ZNF385D: variants seen among roughly 807,000 people sequenced by gnomAD.
ZNF385D encodes zinc finger protein 385D.
A neutral mutation model predicts 35.8 loss-of-function variants in ZNF385D; 15 were observed. That is an observed-to-expected ratio of 0.42 (90% CI 0.28 to 0.64). The LOEUF (loss-of-function observed/expected upper bound fraction) is 0.64. ZNF385D is among the 30% of genes least tolerant of loss of function. The probability of loss-of-function intolerance (pLI) is 0.23; values close to 1 mark genes in which losing one functional copy is unlikely to be tolerated. For synonymous variants in ZNF385D, 212 were observed against 186.8 expected (o/e 1.13, Z -1.10); for missense variants, 474 against 494.6 (o/e 0.96, Z 0.39).
chr3:21,707,164 G>C (rs2067937055), intron 1 of ZNF385D, among the ~76,000 whole-genome samples: 1 of 152,066 alleles, frequency 6.6e-6, no homozygotes, highest in South Asian at 2.1e-4. Flanking sequence ...AGGATGCTTA[G>C]TTAAATAGTT....
Position 21,737,497 on chromosome 3 carries a change from AAGAT to A in ZNF385D, c.22+13394_22+13397del, listed in dbSNP as rs1310985569. On this transcript the variant is annotated intron_variant, in intron 1 of 7. Coordinates refer to ENST00000281523, the MANE Select transcript of ZNF385D (RefSeq NM_024697.3). ...CACACACACACACACACATACACAT[AAGAT>A]AGATAGATACGTATGTATACGAAAT... Among the ~76,000 whole-genome samples, 142 of 152,110 alleles carry A rather than the reference AAGAT, an allele frequency of 9.3e-4. 3 individuals carry two copies. Among genetic ancestry groups the A allele is most frequent in the African/African-American group, 3.0e-3 (125 of 41,488 alleles).
At chr3:22,171,876 CAAAAA>C (rs370469654) in intron 2 of ZNF385D, among the ~76,000 whole-genome samples, 3 of 100,792 alleles carry the variant, frequency 3.0e-5, no homozygotes, top group Admixed American at 1.2e-4. Flanking sequence ...GACTCGGTCT[CAAAAA>C]AAAAAAAAAA....
chr3:21,577,265 C>T (rs1202585866), intron 2 of ZNF385D, among the ~76,000 whole-genome samples: 2 of 152,118 alleles, frequency 1.3e-5, no homozygotes, highest in Non-Finnish European at 2.9e-5. Flanking sequence ...TGGTATTTGT[C>T]TTTCTGTGTC....
Position 22,229,635 on chromosome 3 carries a change from C to T in ZNF385D, c.107-60600G>A, listed in dbSNP as rs1443015944. On this transcript the variant is annotated intron_variant, in intron 2 of 5. Transcript: ENST00000494108. The stretch of plus-strand genomic sequence containing the variant: ...TTGTAAGCCTCTTCCTGTATGCTGT[C>T]GTACAACTCCCTTGCTCAAGCCACT... 5.3e-5 allele frequency among the ~76,000 whole-genome samples: 8 copies of T among 152,270 alleles called. No homozygotes were observed. The South Asian group carries it at 1.0e-3, about 20-fold the overall frequency.
intron 4 of ZNF385D, among the ~76,000 whole-genome samples, chr3:21,452,533 T>G (rs1243445545): frequency 2.0e-5 from 3 of 152,052 alleles, no homozygotes; most frequent in Middle Eastern, 3.4e-3. Context: ...CCTTAAAATA[T>G]CCACAAGAAC....
intron 2 of ZNF385D, among the ~76,000 whole-genome samples, chr3:21,663,020 C>T (rs188667823): frequency 2.0e-5 from 3 of 152,052 alleles, no homozygotes; most frequent in Admixed American, 6.6e-5. Context: ...AGTTTTGTGA[C>T]CCTTCCAAGG....
intron 2 of ZNF385D, among the ~76,000 whole-genome samples, chr3:22,180,957 C>T (rs977915179): frequency 8.6e-6 from 1 of 116,688 alleles, no homozygotes. Context: ...TTCTCCTTCT[C>T]TCATTTATAA....
intron 3 of ZNF385D, among the ~76,000 whole-genome samples, chr3:21,950,062 G>GTA (rs1701990499): frequency 6.6e-6 from 1 of 151,936 alleles, no homozygotes; most frequent in Non-Finnish European, 1.5e-5. Context: ...AATCCTTTGG[G>GTA]TATATACCCA....
chr3:21,428,933 CTT>C (rs56827844), intron 5 of ZNF385D, among the ~76,000 whole-genome samples: 1 of 112,006 alleles, frequency 8.9e-6, no homozygotes, highest in Admixed American at 1.1e-4. Flanking sequence ...CCAAGAAATC[CTT>C]TTTTTTTTTT....
intron 3 of ZNF385D, among the ~76,000 whole-genome samples, chr3:22,147,112 G>C (rs1371790948): frequency 1.3e-5 from 2 of 152,184 alleles, no homozygotes; most frequent in Non-Finnish European, 2.9e-5. Flanking sequence ...CTTGTAATTA[G>C]AAAGAGACCA....
intron 2 of ZNF385D, among the ~76,000 whole-genome samples, chr3:22,365,334 C>A (rs757223084): frequency 2.0e-5 from 3 of 151,840 alleles, no homozygotes; most frequent in Middle Eastern, 6.8e-3. Context: ...CAACTAATAT[C>A]TAAGAAAAAA....
intron 4 of ZNF385D, among the ~76,000 whole-genome samples, chr3:21,469,073 T>A (rs1703718367): frequency 6.6e-6 from 1 of 152,218 alleles, no homozygotes. Context: ...TCTAGGGTGA[T>A]GGAAAGTTTC....
At chr3:22,124,736 A>G (rs2125673305) in intron 3 of ZNF385D, among the ~76,000 whole-genome samples, 1 of 152,286 alleles carries the variant, frequency 6.6e-6, no homozygotes, top group African/African-American at 2.4e-5. Flanking sequence ...TTGTCTATTC[A>G]GATCTTCTGT....
At chr3:22,357,024 A>C (rs747277364) in intron 2 of ZNF385D, among the ~76,000 whole-genome samples, 2 of 151,918 alleles carry the variant, frequency 1.3e-5, no homozygotes, top group South Asian at 4.1e-4. Context: ...TGAGCATATT[A>C]ATTATATGAA....
chr3:21,864,193 C>T (rs1697208701), intron 3 of ZNF385D, among the ~76,000 whole-genome samples: 1 of 151,968 alleles, frequency 6.6e-6, no homozygotes, highest in South Asian at 2.1e-4. Context: ...ATTTTAAAAC[C>T]CTGAGTTCAC....
intron 3 of ZNF385D, among the ~76,000 whole-genome samples, chr3:22,026,584 G>T (rs1037225014): frequency 1.3e-5 from 2 of 152,120 alleles, no homozygotes; most frequent in African/African-American, 2.4e-5. Context: ...TGGGTCCTCG[G>T]ACTCATCCTG....
chr3:22,104,974 A>T (rs933790531), intron 3 of ZNF385D, among the ~76,000 whole-genome samples: 3 of 152,030 alleles, frequency 2.0e-5, no homozygotes, highest in Non-Finnish European at 4.4e-5. Context: ...CTTTACATTG[A>T]CCCAGTATTA....
chr3:21,643,097 T>G (rs2065653911), intron 2 of ZNF385D, among the ~76,000 whole-genome samples: 2 of 152,008 alleles, frequency 1.3e-5, no homozygotes, highest in Non-Finnish European at 2.9e-5. Context: ...ATCTATTTTA[T>G]CACCAAAAAA....
intron 2 of ZNF385D, among the ~76,000 whole-genome samples, chr3:21,593,341 C>G (rs1376995002): frequency 8.5e-5 from 13 of 152,128 alleles, no homozygotes; most frequent in Admixed American, 8.5e-4. Flanking sequence ...GCCTCACTTC[C>G]TAGACAAATC....
Sources: allele counts gnomAD v4.1 joint callset (sites outside exome capture counted in the v4.1 genomes callset), GRCh38; gene constraint gnomAD v4.1.1; transcripts MANE v1.5; gene names NCBI Gene and HGNC (gene_info 2026-07-23, HGNC 2026-07-21).